The following AGBL3 variants were observed in gnomAD, a reference collection of about 807,000 sequenced individuals.
AGBL3 encodes AGBL carboxypeptidase 3, also known as cytosolic carboxypeptidase 3.
A neutral mutation model predicts 94.5 loss-of-function variants in AGBL3; 68 were observed. The observed-to-expected ratio is 0.72, with a 90% CI of 0.59 to 0.88. The LOEUF is 0.88. AGBL3 is among the 40% of genes least tolerant of loss of function. The probability of loss-of-function intolerance (pLI) is 0.00; values close to 1 mark genes in which losing one functional copy is unlikely to be tolerated. For synonymous variants in AGBL3, 354 were observed against 370.7 expected (o/e 0.95, Z 0.52); for missense variants, 934 against 1,103.8 (o/e 0.85, Z 2.18).
intron 5 of AGBL3, among the ~76,000 whole-genome samples, chr7:135,026,639 T>C (rs1210164362): frequency 6.6e-6 from 1 of 151,734 alleles, no homozygotes; most frequent in African/African-American, 2.4e-5. Flanking sequence ...TTTATGTTGT[T>C]TGAGAGTAAT....
intron 12 of AGBL3, among the ~76,000 whole-genome samples, chr7:135,073,516 C>T (rs1223223682): frequency 8.7e-6 from 1 of 114,954 alleles, no homozygotes; most frequent in African/African-American, 3.1e-5. Flanking sequence ...ATAAATAAAC[C>T]TTGCAGTTTT....
rs1175573728 is a variant in AGBL3 at position 135,072,910 on chromosome 7, TAATAAAAATAAAA to T, written c.1909-3473_1909-3461del. Among the ~76,000 whole-genome samples the T allele has an allele frequency of 5.3e-5, 8 of 151,454 alleles. No homozygotes were observed. In the East Asian group the frequency reaches 1.5e-3, roughly 29 times the overall value. On this transcript the variant is annotated intron_variant, in intron 12 of 16. Transcript: ENST00000436302. ...CATATGTACCCTAAAACTTAAAGTA[TAATAAAAATAAAA>T]AATAAAAATAAAATTAAAAAAAATT...
intron 15 of AGBL3, among the ~76,000 whole-genome samples, chr7:135,086,747 G>A (rs1821364732): frequency 6.6e-6 from 1 of 151,894 alleles, no homozygotes; most frequent in East Asian, 1.9e-4. Context: ...TGGTTTGTTA[G>A]TATTTTTTTG....
chr7:135,052,426 C>T (rs1387586080), intron 11 of AGBL3, among the ~76,000 whole-genome samples: 1 of 152,114 alleles, frequency 6.6e-6, no homozygotes, highest in East Asian at 1.9e-4. Flanking sequence ...CCAATTAGCA[C>T]TTTTTTTCCA....
intron 11 of AGBL3, among the ~76,000 whole-genome samples, chr7:135,056,533 A>T (rs1485935346): frequency 6.6e-6 from 1 of 152,072 alleles, no homozygotes. Flanking sequence ...AAAACCTGAA[A>T]CTAATAATTA....
intron 4 of AGBL3, among the ~76,000 whole-genome samples, chr7:135,004,429 C>T (rs1027378654): frequency 6.6e-6 from 1 of 151,502 alleles, no homozygotes; most frequent in African/African-American, 2.4e-5. Flanking sequence ...TTGGTATAAA[C>T]GTTATTTAGA....
At chr7:135,069,924 A>G (rs1283089239) in intron 12 of AGBL3, among the ~76,000 whole-genome samples, 1 of 152,232 alleles carries the variant, frequency 6.6e-6, no homozygotes, top group African/African-American at 2.4e-5. Flanking sequence ...CAAAAAATCA[A>G]TGAATCCAGG....
chr7:135,044,286 A>G (rs1234017460), intron 9 of AGBL3, 135 bp downstream of exon 9: 3 of 892,340 alleles, frequency 3.4e-6, no homozygotes, highest in Non-Finnish European at 3.0e-6. Context: ...AATTCTATAA[A>G]CAGGATGAAT....
At chr7:135,067,152 CTG>C (rs1819403733) in intron 12 of AGBL3, among the ~76,000 whole-genome samples, 1 of 152,166 alleles carries the variant, frequency 6.6e-6, no homozygotes, top group South Asian at 2.1e-4. Flanking sequence ...GCACAGCAGT[CTG>C]AGATCAAACT....
At chr7:135,021,516 T>C (rs1357239931) in intron 5 of AGBL3, among the ~76,000 whole-genome samples, 3 of 151,968 alleles carry the variant, frequency 2.0e-5, no homozygotes, top group Admixed American at 2.0e-4. Flanking sequence ...ATGGTCTCGA[T>C]CTCCTGACCT....
intron 5 of AGBL3, among the ~76,000 whole-genome samples, chr7:135,023,078 C>T (rs1412770565): frequency 6.6e-6 from 1 of 152,166 alleles, no homozygotes; most frequent in Non-Finnish European, 1.5e-5. Context: ...TGTTATACCA[C>T]TTCACATATA....
chr7:135,021,662 G>T (rs1297080481), intron 5 of AGBL3, among the ~76,000 whole-genome samples: 1 of 22,166 alleles, frequency 4.5e-5, no homozygotes. Context: ...ATTGGGATTT[G>T]CTTTTTTTTT....
At chr7:134,987,491 A>G (rs1809617901) in intron 1 of AGBL3, among the ~76,000 whole-genome samples, 1 of 152,234 alleles carries the variant, frequency 6.6e-6, no homozygotes, top group African/African-American at 2.4e-5. Context: ...AAAATCAAGG[A>G]GAAAACTTAA....
At position 135,037,508 on chromosome 7, in the gene AGBL3, T is replaced by C. The variant is rs1584910702; in HGVS notation, c.1428T>C (p.Ser476=). ...ENIFMYGCDG[S]DRSKTLYLQQ... is the part of the protein sequence containing the mutation. ...TCTTCATGTATGGCTGTGATGGTAG[T>C]GACAGATCTAAGACATTATACTTAC... The change falls in exon 8 of 17, where the codon AGT becomes AGC. Residue 476 remains serine, a synonymous_variant. Transcript: ENST00000436302. The C allele has an allele frequency of 6.5e-7, 1 of 1,549,622 alleles. No homozygotes were observed. Among genetic ancestry groups the C allele is most frequent in the Admixed American group, 2.0e-5 (1 of 50,794 alleles).
At chr7:135,086,285 C>A (rs1036277730) in intron 15 of AGBL3, among the ~76,000 whole-genome samples, 1 of 152,010 alleles carries the variant, frequency 6.6e-6, no homozygotes, top group African/African-American at 2.4e-5. Flanking sequence ...GACAATTTGA[C>A]TTCCTTCTTT....
At chr7:135,046,663 T>G (rs1466964512) in intron 11 of AGBL3, among the ~76,000 whole-genome samples, 1 of 152,110 alleles carries the variant, frequency 6.6e-6, no homozygotes, top group African/African-American at 2.4e-5. Flanking sequence ...TCATTTATTT[T>G]TAGCACTCAG....
chr7:135,055,182 C>T (rs1003951646), intron 11 of AGBL3, among the ~76,000 whole-genome samples: 2 of 152,186 alleles, frequency 1.3e-5, no homozygotes, highest in Admixed American at 6.5e-5. Context: ...AAACACCTCC[C>T]GCTAGGCCCT....
At chr7:135,110,532 G>A (rs1825477288) in intron 15 of AGBL3, among the ~76,000 whole-genome samples, 1 of 152,152 alleles carries the variant, frequency 6.6e-6, no homozygotes, top group African/African-American at 2.4e-5. Context: ...AAAGATCTGT[G>A]GGAGAAGCGT....
chr7:135,082,267 G>A (rs914915420), intron 15 of AGBL3, among the ~76,000 whole-genome samples: 12 of 152,032 alleles, frequency 7.9e-5, no homozygotes, highest in African/African-American at 2.4e-4. Flanking sequence ...AAACCTTAAA[G>A]GTAAATAATT....
Sources: allele counts gnomAD v4.1 joint callset (sites outside exome capture counted in the v4.1 genomes callset), GRCh38; gene constraint gnomAD v4.1.1; transcripts MANE v1.5; gene names NCBI Gene and HGNC (gene_info 2026-07-23, HGNC 2026-07-21).